Variants in DDX6 observed in about 807,000 individuals in gnomAD.
DDX6 encodes DEAD-box helicase 6.
In DDX6, 7 loss-of-function variants were observed where a neutral mutation model predicts 60.6. The ratio of observed to expected loss-of-function variants is 0.12; its 90% confidence interval spans 0.07 to 0.22. The LOEUF (loss-of-function observed/expected upper bound fraction) is 0.22. DDX6 is among the 10% of genes least tolerant of loss of function. The pLI is 1.00. For synonymous variants in DDX6, 207 were observed against 201.0 expected, an observed-to-expected ratio of 1.03 and a Z score of -0.25; for missense variants, 270 against 589.9, an observed-to-expected ratio of 0.46 and a Z score of 5.62.
At chr11:118,782,899 G>A (rs1018302536) in intron 2 of DDX6, among the ~76,000 whole-genome samples, 3 of 152,080 alleles carry the variant, frequency 2.0e-5, no homozygotes, top group Non-Finnish European at 4.4e-5. Context: ...CAAAGTGCTG[G>A]GATTACAGGC....
chr11:118,789,984 T>C (rs1862211537), intron 1 of DDX6: 1 of 152,174 alleles, frequency 6.6e-6, no homozygotes, highest in African/African-American at 2.4e-5. Context: ...GAGGAGCCCC[T>C]AGCGGAGTTA....
At chr11:118,753,130 G>C (rs1221402487) in intron 13 of DDX6, among the ~76,000 whole-genome samples, 1 of 152,230 alleles carries the variant, frequency 6.6e-6, no homozygotes, top group South Asian at 2.1e-4. Flanking sequence ...CCAGGTTCAA[G>C]AGATTCTCCT....
chr11:118,768,468 C>T (rs1351599752), intron 4 of DDX6, 116 bp from the exon 5 acceptor site: 11 of 1,067,960 alleles, frequency 1.0e-5, no homozygotes, highest in African/African-American at 1.6e-5. Flanking sequence ...CCTAAGTATC[C>T]TACATTTGAA....
chr11:118,754,291 C>T (rs1339439781), intron 13 of DDX6, among the ~76,000 whole-genome samples: 3 of 152,214 alleles, frequency 2.0e-5, no homozygotes, highest in Non-Finnish European at 2.9e-5. Flanking sequence ...ATTAGGCAGG[C>T]GTGGTGGCAT....
rs149239725 is a variant in DDX6, at chr11:118,780,987, C to G, written c.264+134G>C. Reference sequence around the variant, plus strand: ...GGGAATATATAGCCTGAATATCTATCTTACTGGGTTGGAGGAGGAGGGTGG... The same window carrying G: ...GGGAATATATAGCCTGAATATCTATGTTACTGGGTTGGAGGAGGAGGGTGG... On this transcript the variant is annotated intron_variant, in intron 3 of 13. Coordinates refer to ENST00000534980, the MANE Select transcript of DDX6 (RefSeq NM_004397.6). The G allele has an allele frequency of 5.9e-3, 3,464 of 585,776 alleles. 35 individuals are homozygous for G. The highest frequency in any genetic ancestry group is 0.016 in the Middle Eastern group (60 of 3,776). The allele number at this position is 585,776 out of a possible 1,614,324, so 36.3% of individuals were successfully genotyped here.
At position 118,781,172 on chromosome 11, in the gene DDX6, G is replaced by A. The variant is rs782424186; in HGVS notation, c.213C>T (p.Asp71=). 6.2e-7 allele frequency: 1 copy of A among 1,603,200 alleles called. No individual in the cohort carries two copies. Among genetic ancestry groups the A allele is most frequent in the Admixed American group, 1.7e-5 (1 of 58,708 alleles). ...GAGGGAGTTTTAAAGTCTTTTTCCA[G>A]TCATCACCAGGTCTAGAGAGAATAC... ...SMTTTIKPGD[D]WKKTLKLPPK... is the part of the protein sequence containing the mutation. Residue 71 remains aspartate (D), a synonymous_variant, in exon 3 of 14, where the codon GAC becomes GAT. Coordinates refer to ENST00000534980, the MANE Select transcript of DDX6 (RefSeq NM_004397.6).
At chr11:118,783,914 C>T (rs1388453517) in intron 2 of DDX6, among the ~76,000 whole-genome samples, 2 of 150,888 alleles carry the variant, frequency 1.3e-5, no homozygotes, top group Non-Finnish European at 2.9e-5. Flanking sequence ...TCAGGAGTTC[C>T]AGACCAGCCT....
chr11:118,776,559 G>A (rs570172015), intron 4 of DDX6, among the ~76,000 whole-genome samples: 1 of 152,306 alleles, frequency 6.6e-6, no homozygotes, highest in East Asian at 1.9e-4. Flanking sequence ...AGTGGGCCAG[G>A]TGTGTTGGCT....
Position 118,751,114 on chromosome 11 carries a change from A to C in DDX6, c.*991T>G. 1 of 482 alleles carries C rather than the reference A, an allele frequency of 2.1e-3. No individual in the cohort carries two copies. Among genetic ancestry groups the C allele is most frequent in the East Asian group, 0.17 (1 of 6 alleles). 0.0% of individuals were successfully genotyped at this position (482 alleles called of 1,614,324 possible). Reference sequence around the variant, plus strand: ...ACCCAGAAAAAAAACTTATTTACAAAGTTATACAAGTATACACACCCAATT... The same window carrying C: ...ACCCAGAAAAAAAACTTATTTACAACGTTATACAAGTATACACACCCAATT... On this transcript the variant is annotated 3_prime_UTR_variant, in exon 14 of 14. Transcript: ENST00000534980.
intron 5 of DDX6, 125 bp downstream of exon 5, chr11:118,768,098 C>A: frequency 2.0e-5 from 19 of 957,138 alleles, no homozygotes; most frequent in Admixed American, 3.4e-5. Flanking sequence ...AAGAAAAAAC[C>A]TGAAAAGAAA....
chr11:118,757,131 T>C (rs1555159130), intron 10 of DDX6, 40 bp downstream of exon 10: 1 of 1,019,230 alleles, frequency 9.8e-7, no homozygotes, highest in Non-Finnish European at 1.4e-6. Flanking sequence ...AAGAAAGAGA[T>C]TTCTTATTAA....
intron 4 of DDX6, among the ~76,000 whole-genome samples, chr11:118,769,943 C>T (rs1861481671): frequency 6.6e-6 from 1 of 151,790 alleles, no homozygotes; most frequent in Non-Finnish European, 1.5e-5. Flanking sequence ...CTCCTGACCT[C>T]GTGATCCACC....
At chr11:118,763,487 C>T (rs879947837) in intron 6 of DDX6, among the ~76,000 whole-genome samples, 181 bp from the exon 7 acceptor site, 4 of 78 alleles carry the variant, frequency 0.051, no homozygotes, top group African/African-American at 0.094. Context: ...CACCGACATA[C>T]GTGCAGCCGT....
chr11:118,775,734 G>C (rs1185162366), intron 4 of DDX6, among the ~76,000 whole-genome samples: 1 of 152,176 alleles, frequency 6.6e-6, no homozygotes, highest in Non-Finnish European at 1.5e-5. Context: ...TGGCTGAAGA[G>C]TTAATTGCCT....
At chr11:118,753,434 G>A (rs1488651560) in intron 13 of DDX6, among the ~76,000 whole-genome samples, 1 of 149,064 alleles carries the variant, frequency 6.7e-6, no homozygotes, top group African/African-American at 2.5e-5. Context: ...CCACCTCCCA[G>A]GTTCAAGTGA....
At chr11:118,765,576 A>G (rs2137462795) in intron 5 of DDX6, among the ~76,000 whole-genome samples, 1 of 152,202 alleles carries the variant, frequency 6.6e-6, no homozygotes, top group Non-Finnish European at 1.5e-5. Context: ...GGAGTTCGAG[A>G]GCAGCCTGAC....
At chr11:118,754,262 T>C (rs1555158175) in intron 13 of DDX6, among the ~76,000 whole-genome samples, 1 of 152,154 alleles carries the variant, frequency 6.6e-6, no homozygotes, top group Non-Finnish European at 1.5e-5. Flanking sequence ...AGACCTTGTT[T>C]CTACCAAAAA....
In DDX6 at chr11:118,756,022, C is replaced by A. The variant is rs1246846291; in HGVS notation, c.1174+238G>T. 5.5e-5 allele frequency among the ~76,000 whole-genome samples: 7 copies of A among 126,898 alleles called. 1 individual carries two copies. The highest frequency in any genetic ancestry group is 8.5e-5 in the Non-Finnish European group (5 of 58,972). The allele number at this position is 126,898 out of a possible 152,430, so 83.3% of individuals were successfully genotyped here. A position where few individuals can be genotyped will look rare whatever the true frequency, so the allele number is the denominator to read the frequency against. The stretch of plus-strand genomic sequence containing the variant: ...GACAAAGATTCCATCCCCCTCCCCC[C>A]CCCCCCCAAAAAAAAGACAGAGATG... On this transcript the variant is annotated intron_variant, in intron 11 of 13. Transcript: ENST00000534980.
rs985259131 is a variant in DDX6, at chr11:118,765,132, A to T, written c.646+77T>A. ...TTTCTGTTCCTTAATTCTTAAAAAC[A>T]ATTTTTAATAATTTACTGAAATACT... On this transcript the variant is annotated intron_variant, in intron 6 of 13. Coordinates refer to ENST00000534980, the MANE Select transcript of DDX6 (RefSeq NM_004397.6). 10 of 1,535,084 alleles carry T rather than the reference A, an allele frequency of 6.5e-6. No individual in the cohort carries two copies. The East Asian group carries it at 6.8e-5, about 10-fold the overall frequency.
Sources: gnomAD v4.1 joint callset for allele counts (sites outside exome capture counted in the v4.1 genomes callset) on GRCh38, gnomAD v4.1.1 for gene constraint, MANE v1.5 for transcripts, NCBI Gene and HGNC (gene_info 2026-07-23, HGNC 2026-07-21) for gene names.